The following PCDHGA5 variants were observed in gnomAD, a reference collection of about 807,000 sequenced individuals.
The protein encoded by PCDHGA5 is protocadherin gamma-A5.
In PCDHGA5, 36 loss-of-function variants were observed where a neutral mutation model predicts 56.7. The ratio of observed to expected loss-of-function variants is 0.64; its 90% CI spans 0.49 to 0.84. The LOEUF (loss-of-function observed/expected upper bound fraction) is 0.84, where lower values mean the gene tolerates loss of function less well. Among genes scored for constraint, PCDHGA5 ranks in the 40% least tolerant of loss-of-function variants. The pLI is 0.00. For missense variants in PCDHGA5, 1,305 were observed against 1,201.5 expected, an observed-to-expected ratio of 1.09 and a Z score of -1.27; for synonymous variants, 563 against 520.2, an observed-to-expected ratio of 1.08 and a Z score of -1.12.
chr5:141,413,218 A>C, intron 1 of PCDHGA5: 1 of 1,613,610 alleles, frequency 6.2e-7, no homozygotes, highest in Non-Finnish European at 8.5e-7. Context: ...AAAGGATTGC[A>C]GCGGGCTGGT....
At chr5:141,405,018 T>C (rs1413977666) in intron 1 of PCDHGA5, 5 of 1,613,834 alleles carry the variant, frequency 3.1e-6, no homozygotes, top group African/African-American at 2.7e-5. Context: ...GCCTCAGACC[T>C]TACCCTCTAC....
At chr5:141,371,731 A>G in intron 1 of PCDHGA5, 1 of 1,614,042 alleles carries the variant, frequency 6.2e-7, no homozygotes, top group Non-Finnish European at 8.5e-7. Flanking sequence ...CTTGATGTCA[A>G]CGACAACGTT....
chr5:141,393,787 G>A (rs1267376494), intron 1 of PCDHGA5: 3 of 1,613,930 alleles, frequency 1.9e-6, no homozygotes, highest in Non-Finnish European at 2.5e-6. Flanking sequence ...GAAGATGTGG[G>A]GGCACTTCTG....
At chr5:141,427,929 T>A in intron 1 of PCDHGA5, 1 of 1,582,776 alleles carries the variant, frequency 6.3e-7, no homozygotes, top group South Asian at 1.1e-5. Flanking sequence ...CCGGCGCATG[T>A]TGGTGGGCGA....
chr5:141,509,873 G>C (rs2099878704), intron 3 of PCDHGA5, among the ~76,000 whole-genome samples: 1 of 152,196 alleles, frequency 6.6e-6, no homozygotes, highest in South Asian at 2.1e-4. Flanking sequence ...CAAGCTGCTG[G>C]TGGTGATGGT....
Position 141,485,550 on chromosome 5 carries a change from TG to T in PCDHGA5, c.2422-9256del. On this transcript the variant is annotated intron_variant, in intron 1 of 3. Coordinates refer to ENST00000518069, the MANE Select transcript of PCDHGA5 (RefSeq NM_018918.3). The surrounding 1 kb of genome is among the most constrained non-coding windows in gnomAD (Gnocchi z 5.7). ...CGAGCAGAGGTAGAGATCGTAGATGTGAATGATCACGCCCCCCGTTTTCCGC... is the reference window on the plus strand; with the variant it reads ...CGAGCAGAGGTAGAGATCGTAGATGTAATGATCACGCCCCCCGTTTTCCGC... The T allele has an allele frequency of 6.2e-7, 1 of 1,613,820 alleles. No individual in the cohort carries two copies.
chr5:141,394,004 A>C (rs1220367944), intron 1 of PCDHGA5: 3 of 1,613,496 alleles, frequency 1.9e-6, no homozygotes. Flanking sequence ...TAGAAAAGTC[A>C]ATAGGTAATT....
intron 2 of PCDHGA5, among the ~76,000 whole-genome samples, chr5:141,498,795 T>C (rs2099785702): frequency 6.6e-6 from 1 of 152,032 alleles, no homozygotes; most frequent in Admixed American, 6.6e-5. Context: ...TAGCCAGGTG[T>C]GGTGGTGCAC....
chr5:141,417,572 G>T, intron 1 of PCDHGA5: 1 of 376,228 alleles, frequency 2.7e-6, no homozygotes, highest in East Asian at 4.1e-5. Flanking sequence ...AAGTCAAGTT[G>T]CAGTCCCACA....
chr5:141,489,247 C>T lies in PCDHGA5; in HGVS notation c.2422-5560C>T. 6.5e-7 allele frequency: 1 copy of T among 1,546,012 alleles called. No individual in the cohort carries two copies. The highest frequency in any genetic ancestry group is 8.7e-7 in the Non-Finnish European group (1 of 1,146,298). ...ACAAAGGGACTTCTGGGTCATGGGGCCCAAGACACTCCCACAGCTCGCTGG... is the reference window on the plus strand; with the variant it reads ...ACAAAGGGACTTCTGGGTCATGGGGTCCAAGACACTCCCACAGCTCGCTGG... On this transcript the variant is annotated intron_variant, in intron 1 of 3. Coordinates refer to ENST00000518069, the MANE Select transcript of PCDHGA5 (RefSeq NM_018918.3). This position sits in a 1 kb window ranked among gnomAD's most constrained non-coding sequence, Gnocchi z 4.5.
At chr5:141,445,300 TCA>T (rs1443961962) in intron 1 of PCDHGA5, among the ~76,000 whole-genome samples, 1 of 152,202 alleles carries the variant, frequency 6.6e-6, no homozygotes, top group Non-Finnish European at 1.5e-5. Flanking sequence ...TCCATTCTCT[TCA>T]GTTTGTAGGT....
At chr5:141,398,709 G>A (rs1202607096) in intron 1 of PCDHGA5, 1 of 1,613,714 alleles carries the variant, frequency 6.2e-7, no homozygotes, top group Non-Finnish European at 8.5e-7. Context: ...ACCCGGAACT[G>A]GCACTGGAGA....
At chr5:141,383,981 C>T in intron 1 of PCDHGA5, 3 of 1,613,792 alleles carry the variant, frequency 1.9e-6, no homozygotes, top group Non-Finnish European at 2.5e-6. Context: ...GAAGACACAC[C>T]TCTTGGGACA....
intron 1 of PCDHGA5, among the ~76,000 whole-genome samples, chr5:141,443,728 C>A (rs1434984241): frequency 1.3e-5 from 2 of 152,060 alleles, no homozygotes; most frequent in African/African-American, 2.4e-5. Flanking sequence ...ATTCCTCATA[C>A]ATTTCCCTAT....
intron 1 of PCDHGA5, among the ~76,000 whole-genome samples, chr5:141,464,440 T>C (rs566597587): frequency 6.6e-6 from 1 of 151,608 alleles, no homozygotes; most frequent in South Asian, 2.1e-4. Context: ...TATATGTTTG[T>C]TGTTGTTGTT....
intron 1 of PCDHGA5, chr5:141,366,985 G>A (rs1378912863): frequency 2.0e-6 from 1 of 493,266 alleles, no homozygotes; most frequent in East Asian, 3.7e-5. Flanking sequence ...AAAGGAAAGT[G>A]GTTAAATATA....
At position 141,477,118 on chromosome 5, in the gene PCDHGA5, A is replaced by T. The variant is rs2099405787; in HGVS notation, c.2422-17689A>T. The T allele has an allele frequency of 6.2e-7, 1 of 1,614,228 alleles. No homozygotes were observed. Among genetic ancestry groups the T allele is most frequent in the Non-Finnish European group, 8.5e-7 (1 of 1,180,034 alleles). On this transcript the variant is annotated intron_variant, in intron 1 of 3. Coordinates refer to ENST00000518069, the MANE Select transcript of PCDHGA5 (RefSeq NM_018918.3). This position sits in a 1 kb window ranked among gnomAD's most constrained non-coding sequence, Gnocchi z 4.9. ...ACAAGGGCGCCAATCCCGAAGGAGC[A>T]CATTGCAAAGTGTTGGTGGAGGTTG...
chr5:141,477,301 C>T lies in PCDHGA5; in HGVS notation c.2422-17506C>T, dbSNP rs756549446. The T allele has an allele frequency of 6.2e-7, 1 of 1,614,160 alleles. No homozygotes were observed. Among genetic ancestry groups the T allele is most frequent in the East Asian group, 2.2e-5 (1 of 44,872 alleles). Reference sequence around the variant, plus strand: ...TGACCTGCGAAGTTCCACCGGGTCTCCCTTTCAGCCTTACTTCTTCCCTCA... The same window carrying T: ...TGACCTGCGAAGTTCCACCGGGTCTTCCTTTCAGCCTTACTTCTTCCCTCA... On this transcript the variant is annotated intron_variant, in intron 1 of 3. Coordinates refer to ENST00000518069, the MANE Select transcript of PCDHGA5 (RefSeq NM_018918.3). The surrounding 1 kb of genome is among the most constrained non-coding windows in gnomAD (Gnocchi z 4.9).
intron 1 of PCDHGA5, chr5:141,389,596 C>A: frequency 6.2e-7 from 1 of 1,613,132 alleles, no homozygotes; most frequent in Non-Finnish European, 8.5e-7. Context: ...GACGGCTCTG[C>A]GCTCTTCGAT....
Sources: gnomAD v4.1 joint callset for allele counts (sites outside exome capture counted in the v4.1 genomes callset) on GRCh38, gnomAD v4.1.1 for gene constraint, Gnocchi (gnomAD v3.1) non-coding constraint, MANE v1.5 for transcripts, NCBI Gene and HGNC (gene_info 2026-07-23, HGNC 2026-07-21) for gene names.